CNTNAP4: variants seen among roughly 807,000 people sequenced by gnomAD.
CNTNAP4 encodes contactin-associated protein-like 4.
Under a neutral mutation model 148.4 loss-of-function variants are expected in CNTNAP4, and 98 were observed. That is an observed-to-expected ratio of 0.66 (90% CI 0.56 to 0.78). The LOEUF (loss-of-function observed/expected upper bound fraction) is 0.78, where lower values mean the gene tolerates loss of function less well. Ranked by LOEUF, CNTNAP4 falls within the 30% of genes least tolerant of loss-of-function variation. The pLI is 0.00. For synonymous variants in CNTNAP4, 730 were observed against 565.1 expected (o/e 1.29, Z -4.14); for missense variants, 1,935 against 1,565.6 (o/e 1.24, Z -3.98).
At chr16:76,473,461 G>A (rs7186107) in intron 10 of CNTNAP4, among the ~76,000 whole-genome samples, 150,019 of 152,236 alleles carry the variant, frequency 0.99, 73,952 homozygotes, top group East Asian at 1. Context: ...AAAAAATTCT[G>A]TAAGCAAAAT....
chr16:76,554,825 C>T (rs1319958854), intron 23 of CNTNAP4, among the ~76,000 whole-genome samples: 1 of 151,792 alleles, frequency 6.6e-6, no homozygotes, highest in Non-Finnish European at 1.5e-5. Flanking sequence ...AGTCACAAAC[C>T]CAGCTTGTCC....
At chr16:76,507,759 C>T (rs73619803) in intron 15 of CNTNAP4, among the ~76,000 whole-genome samples, 996 of 95,642 alleles carry the variant, frequency 0.01, 143 homozygotes, top group African/African-American at 0.025. Flanking sequence ...GGCATTCATA[C>T]ACAGGGTTAA....
intron 15 of CNTNAP4, among the ~76,000 whole-genome samples, chr16:76,504,290 C>A (rs1196746833): frequency 1.3e-5 from 2 of 151,854 alleles, no homozygotes; most frequent in African/African-American, 2.4e-5. Flanking sequence ...CAAAAATAGA[C>A]CCATGTATAC....
chr16:76,451,449 C>T (rs184797486), intron 7 of CNTNAP4, among the ~76,000 whole-genome samples: 12 of 152,168 alleles, frequency 7.9e-5, no homozygotes, highest in Admixed American at 7.2e-4. Flanking sequence ...CAAAGCACAT[C>T]ACAAGTGTAT....
In CNTNAP4 at chr16:76,535,570, C is replaced by G; in HGVS notation, c.2781C>G (p.Gly927=). The stretch of plus-strand genomic sequence containing the variant: ...GTGGAACGGCCACCAGACAGAGAGG[C>G]TTTCTGGGCTGCATTCGGTCTCTGC... ...FVGGTATRQR[G]FLGCIRSLQL... is the part of the protein sequence containing the mutation. The change falls in exon 18 of 24, where the codon GGC becomes GGG. Residue 927 remains glycine (G), a synonymous_variant. Transcript: ENST00000611870. 2 of 1,612,382 alleles carry G rather than the reference C, an allele frequency of 1.2e-6. No homozygotes were observed. The highest frequency in any genetic ancestry group is 8.5e-7 in the Non-Finnish European group (1 of 1,179,904).
chr16:76,369,409 T>C lies in CNTNAP4; in HGVS notation c.390+13898T>C, dbSNP rs145925946. ...AAATGGGAACTGGTTTATGCAATTA[T>C]GGAGACCAAGAAGTTCTACCATCTG... On this transcript the variant is annotated intron_variant, in intron 3 of 23. Transcript: ENST00000611870. Among the ~76,000 whole-genome samples the C allele has an allele frequency of 6.4e-4, 97 of 152,342 alleles. No homozygotes were observed. The East Asian group carries it at 0.012, about 19-fold the overall frequency.
At chr16:76,297,309 G>A (rs969507154) in intron 1 of CNTNAP4, among the ~76,000 whole-genome samples, 7 of 152,080 alleles carry the variant, frequency 4.6e-5, no homozygotes, top group Non-Finnish European at 1.0e-4. Flanking sequence ...CTGGGAATTT[G>A]GATCCTAGCA....
intron 3 of CNTNAP4, among the ~76,000 whole-genome samples, chr16:76,418,749 T>A (rs373949894): frequency 2.0e-5 from 3 of 151,748 alleles, no homozygotes; most frequent in African/African-American, 7.3e-5. Context: ...TTCTTACTTT[T>A]TGCCATTCCT....
intron 1 of CNTNAP4, among the ~76,000 whole-genome samples, chr16:76,298,176 G>C (rs1267054749): frequency 6.6e-6 from 1 of 152,084 alleles, no homozygotes; most frequent in East Asian, 1.9e-4. Context: ...TATACAGGGT[G>C]CCATAAAGAC....
intron 3 of CNTNAP4, among the ~76,000 whole-genome samples, chr16:76,398,918 A>G (rs1442867591): frequency 6.6e-6 from 1 of 151,982 alleles, no homozygotes; most frequent in Non-Finnish European, 1.5e-5. Context: ...TTGAATTGTA[A>G]TAATCCCCCC....
At chr16:76,291,149 T>A (rs1959098912) in intron 1 of CNTNAP4, among the ~76,000 whole-genome samples, 1 of 152,196 alleles carries the variant, frequency 6.6e-6, no homozygotes, top group Middle Eastern at 3.2e-3. Flanking sequence ...GGGGTATAAT[T>A]CAGTCCATAA....
intron 15 of CNTNAP4, among the ~76,000 whole-genome samples, chr16:76,500,131 C>T (rs567944428): frequency 1.3e-5 from 2 of 152,038 alleles, no homozygotes; most frequent in South Asian, 2.1e-4. Context: ...CCAGACGGGG[C>T]GGCTGGGCAG....
At chr16:76,450,521 A>G (rs940149288) in intron 7 of CNTNAP4, among the ~76,000 whole-genome samples, 10 of 152,230 alleles carry the variant, frequency 6.6e-5, no homozygotes, top group African/African-American at 2.4e-4. Flanking sequence ...TTCTGGAATC[A>G]GATAACAACC....
intron 2 of CNTNAP4, among the ~76,000 whole-genome samples, chr16:76,338,590 A>C (rs1964209638): frequency 6.6e-6 from 1 of 152,102 alleles, no homozygotes; most frequent in Non-Finnish European, 1.5e-5. Context: ...GAACTTCTCA[A>C]GTGCTCATTC....
At chr16:76,387,557 G>A (rs900774692) in intron 3 of CNTNAP4, among the ~76,000 whole-genome samples, 4 of 152,258 alleles carry the variant, frequency 2.6e-5, no homozygotes, top group African/African-American at 9.6e-5. Context: ...TTTATAAAAT[G>A]TTTATAATCA....
chr16:76,554,520 C>A (rs891698267), intron 23 of CNTNAP4, among the ~76,000 whole-genome samples: 2 of 151,926 alleles, frequency 1.3e-5, no homozygotes, highest in African/African-American at 4.8e-5. Flanking sequence ...AAGTATGTCT[C>A]CCTGGAAATG....
intron 10 of CNTNAP4, among the ~76,000 whole-genome samples, chr16:76,472,726 C>T (rs1486806339): frequency 6.6e-6 from 1 of 152,094 alleles, no homozygotes; most frequent in Non-Finnish European, 1.5e-5. Context: ...ACGACATGTT[C>T]TTACTTATAA....
At chr16:76,417,800 C>G (rs964716729) in intron 3 of CNTNAP4, among the ~76,000 whole-genome samples, 2 of 151,646 alleles carry the variant, frequency 1.3e-5, no homozygotes, top group Non-Finnish European at 3.0e-5. Context: ...TCGATGCATT[C>G]CCTCAGTTTT....
chr16:76,534,157 A>C (rs867856854), intron 17 of CNTNAP4, among the ~76,000 whole-genome samples: 2 of 152,198 alleles, frequency 1.3e-5, no homozygotes, highest in Non-Finnish European at 2.9e-5. Context: ...TTACCCTTGA[A>C]GCACTATGCC....
Sources: allele counts gnomAD v4.1 joint callset (sites outside exome capture counted in the v4.1 genomes callset), GRCh38; gene constraint gnomAD v4.1.1; transcripts MANE v1.5; gene names NCBI Gene and HGNC (gene_info 2026-07-23, HGNC 2026-07-21).